The following TLE1 variants were observed in gnomAD, a reference collection of about 807,000 sequenced individuals.
TLE1 encodes transducin-like enhancer protein 1.
A neutral mutation model predicts 89.8 loss-of-function variants in TLE1; 21 were observed. That is an observed-to-expected ratio of 0.23 (90% confidence interval 0.17 to 0.34). The LOEUF (loss-of-function observed/expected upper bound fraction) is 0.34. TLE1 is among the 10% of genes least tolerant of loss of function. The pLI, the probability that TLE1 is intolerant of heterozygous loss-of-function variation, is 1.00. For synonymous variants in TLE1, 447 were observed against 407.6 expected (o/e 1.10, Z -1.16); for missense variants, 795 against 1,031.2 (o/e 0.77, Z 3.14).
intron 14 of TLE1, among the ~76,000 whole-genome samples, chr9:81,608,965 G>GAAA (rs1823344077): frequency 6.8e-6 from 1 of 147,862 alleles, no homozygotes; most frequent in African/African-American, 2.5e-5. Flanking sequence ...AAGAAAGAAA[G>GAAA]AAAAAGAAAA....
rs150798064 is a variant in TLE1, at chr9:81,607,740, G to A, written c.1331+2480C>T. 4.0e-3 allele frequency among the ~76,000 whole-genome samples: 603 copies of A among 152,196 alleles called. 5 individuals carry two copies. The highest frequency in any genetic ancestry group is 4.9e-3 in the Non-Finnish European group (334 of 68,006). On this transcript the variant is annotated intron_variant, in intron 14 of 19. Transcript: ENST00000376499. ...AGGACCTCCCAGGCTGGAAGCAGGGGGGCATTCCCAAATTCCCAAGAAAAC... is the reference window on the plus strand; with the variant it reads ...AGGACCTCCCAGGCTGGAAGCAGGGAGGCATTCCCAAATTCCCAAGAAAAC...
At chr9:81,662,686 G>T (rs1427465390) in intron 4 of TLE1, among the ~76,000 whole-genome samples, 1 of 149,652 alleles carries the variant, frequency 6.7e-6, no homozygotes, top group Admixed American at 6.6e-5. Context: ...CAACAAAAGT[G>T]AAACTCCGTA....
chr9:81,676,320 C>G (rs1362555443), intron 4 of TLE1, among the ~76,000 whole-genome samples: 1 of 152,044 alleles, frequency 6.6e-6, no homozygotes. Flanking sequence ...CTAGTCGGAG[C>G]AAGGAAAGAA....
intron 6 of TLE1, among the ~76,000 whole-genome samples, chr9:81,638,198 T>C (rs1485184640): frequency 6.6e-6 from 1 of 152,232 alleles, no homozygotes; most frequent in African/African-American, 2.4e-5. Context: ...TACCATCTCC[T>C]GTCCCCCCTT....
Position 81,663,409 on chromosome 9 carries a change from G to C in TLE1, c.235-9373C>G, listed in dbSNP as rs1037665530. Among the ~76,000 whole-genome samples the C allele has an allele frequency of 3.3e-5, 5 of 152,138 alleles. No homozygotes were observed. In the East Asian group the frequency reaches 5.8e-4, roughly 18 times the overall value. On this transcript the variant is annotated intron_variant, in intron 4 of 19. Transcript: ENST00000376499. The stretch of plus-strand genomic sequence containing the variant: ...AGAAAGCAGAAGTTGAGAATTGGGA[G>C]ATAAAACAAGAAAGAGCTGATGAAC...
In TLE1 at chr9:81,671,028, C is replaced by A. The variant is rs533307005; in HGVS notation, c.234+14648G>T. Among the ~76,000 whole-genome samples, 4 of 151,926 alleles carry A rather than the reference C, an allele frequency of 2.6e-5. No individual in the cohort carries two copies. The East Asian group carries it at 7.8e-4, about 30-fold the overall frequency. On this transcript the variant is annotated intron_variant, in intron 4 of 19. Coordinates refer to ENST00000376499, the MANE Select transcript of TLE1 (RefSeq NM_005077.5). ...TACTAAAAATCCAAAATTAGCTAGG[C>A]ATGGTGGTGAGCACCTGTAATCCCA...
At chr9:81,645,395 T>G (rs1380108480) in intron 6 of TLE1, among the ~76,000 whole-genome samples, 1 of 143,856 alleles carries the variant, frequency 7.0e-6, no homozygotes, top group African/African-American at 2.6e-5. Context: ...GTAATAATAA[T>G]TCAATTGTAA....
chr9:81,620,487 T>A lies in TLE1; in HGVS notation c.665A>T (p.Asn222Ile), dbSNP rs372554811. 1.2e-6 allele frequency: 2 copies of A among 1,614,122 alleles called. No individual in the cohort carries two copies. Among genetic ancestry groups the A allele is most frequent in the Admixed American group, 3.3e-5 (2 of 60,018 alleles). ...ATCCACCTTCCTTTTCTTGATGTCA[T>A]TGGAAAATTCAGGTCCATTTCTGCG... Reference protein sequence around the residue: ...DKRRNGPEFSNDIKKRKVDDK... With the variant: ...DKRRNGPEFSIDIKKRKVDDK... The change falls in exon 9 of 20, where the codon AAT becomes ATT. Residue 222 changes from asparagine to isoleucine, a missense_variant. Around this residue, in one of 4 missense-constraint regions of TLE1, gnomAD observed 468 missense variants for 509.1 expected, o/e 0.92. Coordinates refer to ENST00000376499, the MANE Select transcript of TLE1 (RefSeq NM_005077.5).
At chr9:81,593,305 A>G (rs1829794413) in intron 14 of TLE1, 31 bp from the exon 15 acceptor site, 2 of 1,585,926 alleles carry the variant, frequency 1.3e-6, no homozygotes, top group African/African-American at 2.7e-5. Context: ...GAGAAGACAG[A>G]AAACACATTT....
At chr9:81,647,741 G>A (rs192659480) in intron 6 of TLE1, among the ~76,000 whole-genome samples, 14 of 152,272 alleles carry the variant, frequency 9.2e-5, no homozygotes, top group Non-Finnish European at 1.0e-4. Context: ...CTGACTATAT[G>A]AGGTCATAAA....
chr9:81,665,847 T>C (rs982532937), intron 4 of TLE1, among the ~76,000 whole-genome samples: 1 of 136,390 alleles, frequency 7.3e-6, no homozygotes, highest in African/African-American at 2.8e-5. Context: ...CAGGCCCCAC[T>C]TGAGGGCTGC....
intron 16 of TLE1, among the ~76,000 whole-genome samples, chr9:81,588,192 A>G (rs1007731084): frequency 1.3e-5 from 2 of 152,212 alleles, no homozygotes; most frequent in East Asian, 3.9e-4. Flanking sequence ...CAAACACACA[A>G]AATCCCGATT....
At chr9:81,686,256 T>C (rs2133185856) in intron 2 of TLE1, among the ~76,000 whole-genome samples, 1 of 152,348 alleles carries the variant, frequency 6.6e-6, no homozygotes. Flanking sequence ...ATCTTCACTC[T>C]TAGGCATAGG....
rs111478661 is a variant in TLE1 at position 81,657,361 on chromosome 9, C to T, written c.235-3325G>A. On this transcript the variant is annotated intron_variant, in intron 4 of 19. Transcript: ENST00000376499. ...TGGCCTTTAGGTAAAGATTAGAACA[C>T]ATCAATATCATAAAAGCCATTCTTA... is the stretch of plus-strand genomic sequence containing the variant. 2.2e-3 allele frequency among the ~76,000 whole-genome samples: 334 copies of T among 152,286 alleles called. 3 individuals carry two copies. The highest frequency in any genetic ancestry group is 7.8e-3 in the African/African-American group (324 of 41,562).
chr9:81,645,137 A>G lies in TLE1; in HGVS notation c.372+7077T>C, dbSNP rs535395889. Among the ~76,000 whole-genome samples, 8 of 152,042 alleles carry G rather than the reference A, an allele frequency of 5.3e-5. No homozygotes were observed. The South Asian group carries it at 1.7e-3, about 32-fold the overall frequency. ...CACTTTGGGAGGCCAAGGCAGGTGG[A>G]TCACCTGAGGTCAGGAGTTCCAGAC... On this transcript the variant is annotated intron_variant, in intron 6 of 19. Coordinates refer to ENST00000376499, the MANE Select transcript of TLE1 (RefSeq NM_005077.5).
chr9:81,610,035 A>G (rs962903866), intron 14 of TLE1, among the ~76,000 whole-genome samples, 185 bp downstream of exon 14: 6 of 152,206 alleles, frequency 3.9e-5, no homozygotes, highest in Non-Finnish European at 5.9e-5. Flanking sequence ...ACCCCCAGGG[A>G]GAAGACAGAG....
At position 81,660,978 on chromosome 9, in the gene TLE1, C is replaced by CACACACACAAA. The variant is rs140689682; in HGVS notation, c.235-6943_235-6942insTTTGTGTGTGT. On this transcript the variant is annotated intron_variant, in intron 4 of 19. Coordinates refer to ENST00000376499, the MANE Select transcript of TLE1 (RefSeq NM_005077.5). ...ACACACACACACACACACACACACA[C>CACACACACAAA]ATTTAGCCTGGCGTGGTGGCACGTG... Among the ~76,000 whole-genome samples the CACACACACAAA allele has an allele frequency of 4.9e-5, 6 of 121,830 alleles. No homozygotes were observed. In the East Asian group the frequency reaches 1.0e-3, roughly 21 times the overall value. The allele number at this position is 121,830 out of a possible 152,430, so 79.9% of individuals were successfully genotyped here.
In TLE1 at chr9:81,688,272, G is replaced by A. The variant is rs760277091; in HGVS notation, c.-32C>T. 7.1e-6 allele frequency: 11 copies of A among 1,553,632 alleles called. No homozygotes were observed. The South Asian group carries it at 8.2e-5, about 12-fold the overall frequency. On this transcript the variant is annotated 5_prime_UTR_variant, in exon 1 of 20. Coordinates refer to ENST00000376499, the MANE Select transcript of TLE1 (RefSeq NM_005077.5). ...GGCGGCGGCCGGGGCTCTGTTCCCC[G>A]GCAACTCAATTCTCCGGTCAATTTC...
At chr9:81,682,030 G>A (rs906676314) in intron 4 of TLE1, among the ~76,000 whole-genome samples, 7 of 151,998 alleles carry the variant, frequency 4.6e-5, no homozygotes, top group Admixed American at 2.0e-4. Context: ...TGGATCACTT[G>A]AGGTCAGGAG....
Sources: gnomAD v4.1 joint callset for allele counts (sites outside exome capture counted in the v4.1 genomes callset) on GRCh38, gnomAD v4.1.1 for gene constraint, gnomAD v4.1.1 regional missense constraint, MANE v1.5 for transcripts, NCBI Gene and HGNC (gene_info 2026-07-23, HGNC 2026-07-21) for gene names.